The following THEMIS variants were observed in gnomAD, a reference collection of about 807,000 sequenced individuals.
The protein encoded by THEMIS is thymocyte selection associated.
THEMIS carries 37 observed loss-of-function variants against 52.6 expected under a neutral mutation model. That is an observed-to-expected ratio of 0.70 (90% CI 0.54 to 0.93). THEMIS has a LOEUF of 0.93. Among genes scored for constraint, THEMIS ranks in the 40% least tolerant of loss-of-function variants. THEMIS has a pLI of 0.00. For missense variants in THEMIS, 808 were observed against 763.1 expected (o/e 1.06, Z -0.69); for synonymous variants, 292 against 272.7 (o/e 1.07, Z -0.70).
intron 4 of THEMIS, among the ~76,000 whole-genome samples, chr6:127,750,581 C>T (rs1775606553): frequency 6.6e-6 from 1 of 151,726 alleles, no homozygotes; most frequent in Non-Finnish European, 1.5e-5. Context: ...ATAACAATGG[C>T]ACAAAACATA....
At chr6:127,810,437 A>T (rs1379361834) in intron 4 of THEMIS, among the ~76,000 whole-genome samples, 1 of 152,176 alleles carries the variant, frequency 6.6e-6, no homozygotes. Flanking sequence ...TGTTTTTATT[A>T]TGTGGGCAGA....
chr6:127,902,964 A>T (rs2114511397), upstream of THEMIS, among the ~76,000 whole-genome samples: 1 of 152,174 alleles, frequency 6.6e-6, no homozygotes, highest in South Asian at 2.1e-4. Flanking sequence ...GCCATTTCGT[A>T]TCACCAATCT....
rs142123167 is a variant in THEMIS at position 127,819,118 on chromosome 6, T to TAAAAAAAA, written c.710-5195_710-5188dup. On this transcript the variant is annotated intron_variant, in intron 3 of 5. Transcript: ENST00000368248. ...CTGGGTGAAAGAGTGAGACTCTGTC[T>TAAAAAAAA]AAAAAAAAAAAAAAAAAAAAAAAAA... Among the ~76,000 whole-genome samples, 22 of 19,478 alleles carry TAAAAAAAA rather than the reference T, an allele frequency of 1.1e-3. 2 individuals are homozygous for TAAAAAAAA. Among genetic ancestry groups the TAAAAAAAA allele is most frequent in the African/African-American group, 2.0e-3 (10 of 5,008 alleles). 12.8% of individuals were successfully genotyped at this position (19,478 alleles called of 152,430 possible).
intron 4 of THEMIS, among the ~76,000 whole-genome samples, chr6:127,758,452 T>A (rs549004304): frequency 2.1e-4 from 31 of 147,950 alleles, no homozygotes; most frequent in Non-Finnish European, 3.6e-4. Flanking sequence ...TAATATATAT[T>A]ATAAATATTT....
intron 2 of THEMIS, among the ~76,000 whole-genome samples, chr6:127,854,222 T>A (rs1018711709): frequency 1.3e-5 from 2 of 151,730 alleles, no homozygotes; most frequent in African/African-American, 4.8e-5. Context: ...TTTTTGTAAA[T>A]AAAGTTTTAT....
At chr6:127,892,373 C>A (rs544208711) in intron 1 of THEMIS, among the ~76,000 whole-genome samples, 1 of 152,190 alleles carries the variant, frequency 6.6e-6, no homozygotes, top group Non-Finnish European at 1.5e-5. Context: ...CCCCGGTCAC[C>A]CTATCAAAAG....
intron 1 of THEMIS, among the ~76,000 whole-genome samples, chr6:127,857,530 T>C (rs1562304224): frequency 6.6e-6 from 1 of 152,012 alleles, no homozygotes; most frequent in African/African-American, 2.4e-5. Flanking sequence ...ATTGATTCAT[T>C]ATCAATAAAT....
At chr6:127,701,368 G>A in the THEMIS span, among the ~76,000 whole-genome samples, 1 of 152,006 alleles carries the variant, frequency 6.6e-6, no homozygotes, top group Non-Finnish European at 1.5e-5. Flanking sequence ...TTTTTGTGTA[G>A]TTTATCCTTT....
chr6:127,822,081 T>C (rs984337717), intron 3 of THEMIS, among the ~76,000 whole-genome samples: 7 of 152,140 alleles, frequency 4.6e-5, no homozygotes, highest in African/African-American at 1.4e-4. Flanking sequence ...TCATTTACTT[T>C]CTAAGACTAC....
intron 4 of THEMIS, among the ~76,000 whole-genome samples, chr6:127,721,543 G>A (rs1774362359): frequency 6.6e-6 from 1 of 151,998 alleles, no homozygotes; most frequent in Admixed American, 6.6e-5. Flanking sequence ...GACCAAGGAA[G>A]GGATCCTAGC....
chr6:127,757,571 C>G (rs188829085), intron 4 of THEMIS, among the ~76,000 whole-genome samples: 1,584 of 152,162 alleles, frequency 0.01, 38 homozygotes, highest in African/African-American at 0.037. Context: ...CAAGCTCTGC[C>G]TCCCGGGTTC....
chr6:127,768,103 T>C (rs988389655), intron 4 of THEMIS, among the ~76,000 whole-genome samples: 20 of 152,226 alleles, frequency 1.3e-4, no homozygotes, highest in Admixed American at 3.3e-4. Context: ...TCACTTTCTC[T>C]GAACTATACA....
At chr6:127,907,701 G>C (rs995066384) in intron 1 of THEMIS, among the ~76,000 whole-genome samples, 1 of 151,936 alleles carries the variant, frequency 6.6e-6, no homozygotes, top group Non-Finnish European at 1.5e-5. Flanking sequence ...ACCCAAAAGA[G>C]AAGGAATGGG....
intron 2 of THEMIS, among the ~76,000 whole-genome samples, chr6:127,849,626 A>G (rs117056049): frequency 0.018 from 2,787 of 152,126 alleles, 29 homozygotes; most frequent in Middle Eastern, 0.031. Flanking sequence ...CAAAGCATAC[A>G]AAAACGTAAA....
At chr6:127,808,282 C>G (rs899023902) in intron 4 of THEMIS, among the ~76,000 whole-genome samples, 2 of 152,156 alleles carry the variant, frequency 1.3e-5, no homozygotes, top group African/African-American at 4.8e-5. Context: ...GTGTGGCACT[C>G]AGGAGTCGTA....
intron 1 of THEMIS, among the ~76,000 whole-genome samples, chr6:127,855,616 C>T (rs1779594318): frequency 6.6e-6 from 1 of 151,828 alleles, no homozygotes; most frequent in South Asian, 2.1e-4. Flanking sequence ...GTCTGCACAC[C>T]AGGGCTTCAC....
At chr6:127,718,650 C>T (rs1008907405) in intron 5 of THEMIS, among the ~76,000 whole-genome samples, 1 of 151,920 alleles carries the variant, frequency 6.6e-6, no homozygotes, top group Non-Finnish European at 1.5e-5. Context: ...ACTCAATGCG[C>T]TGCAGCAATT....
intron 4 of THEMIS, among the ~76,000 whole-genome samples, chr6:127,751,958 G>T (rs113844332): frequency 0.011 from 1,619 of 151,666 alleles, 17 homozygotes; most frequent in Non-Finnish European, 0.017. Context: ...CACAAAACAA[G>T]TCTTAATAAA....
intron 4 of THEMIS, among the ~76,000 whole-genome samples, chr6:127,729,140 T>TTCTCTC (rs35400135): frequency 3.9e-4 from 41 of 106,202 alleles, no homozygotes; most frequent in East Asian, 1.7e-3. Flanking sequence ...TACCAATTTA[T>TTCTCTC]TCTCTCTCTC....
Sources: allele counts gnomAD v4.1 joint callset (sites outside exome capture counted in the v4.1 genomes callset), GRCh38; gene constraint gnomAD v4.1.1; transcripts MANE v1.5; gene names NCBI Gene and HGNC (gene_info 2026-07-23, HGNC 2026-07-21).